CKS2: variants seen among roughly 807,000 people sequenced by gnomAD.
CKS2 encodes the protein CDC28 protein kinase regulatory subunit 2, also known as cyclin-dependent kinases regulatory subunit 2.
A neutral mutation model predicts 14.3 loss-of-function variants in CKS2; 4 were observed. That is an observed-to-expected ratio of 0.28 (90% CI 0.14 to 0.64). The LOEUF is 0.64. CKS2 is among the 30% of genes least tolerant of loss of function. The pLI is 0.83. For synonymous variants in CKS2, 33 were observed against 28.7 expected, an observed-to-expected ratio of 1.15 and a Z score of -0.48; for missense variants, 71 against 94.3, an observed-to-expected ratio of 0.75 and a Z score of 1.02.
intron 1 of CKS2, among the ~76,000 whole-genome samples, chr9:89,312,874 G>A (rs1005712340): frequency 6.6e-6 from 1 of 152,188 alleles, no homozygotes; most frequent in African/African-American, 2.4e-5. Context: ...AAGTGTTTAG[G>A]ATAAGGATTT....
intron 1 of CKS2, among the ~76,000 whole-genome samples, chr9:89,313,657 CTTG>C (rs916150314): frequency 6.6e-6 from 1 of 152,156 alleles, no homozygotes; most frequent in Non-Finnish European, 1.5e-5. Flanking sequence ...ATCTAAATAA[CTTG>C]TTGGTAGATT....
chr9:89,311,785 G>A (rs3211667), intron 1 of CKS2, among the ~76,000 whole-genome samples: 18,918 of 152,228 alleles, frequency 0.12, 1,772 homozygotes, highest in Admixed American at 0.29. Context: ...ACCTGGTGCC[G>A]TCCTTTTTCC....
intron 1 of CKS2, chr9:89,312,412 A>C (rs1046658079): frequency 1.3e-5 from 2 of 154,276 alleles, no homozygotes; most frequent in Admixed American, 1.3e-4. Flanking sequence ...CTGGGATACT[A>C]CCAAGATTTA....
chr9:89,315,878 A>G (rs559052959), intron 2 of CKS2, among the ~76,000 whole-genome samples: 19 of 152,216 alleles, frequency 1.2e-4, no homozygotes, highest in Non-Finnish European at 2.5e-4. Flanking sequence ...AGTAAATCTA[A>G]CAGCATTTAT....
chr9:89,313,551 T>C (rs975256400), intron 1 of CKS2, among the ~76,000 whole-genome samples: 1 of 152,226 alleles, frequency 6.6e-6, no homozygotes, highest in Non-Finnish European at 1.5e-5. Context: ...AGAATCCTCA[T>C]ATGGGGTTGA....
intron 1 of CKS2, among the ~76,000 whole-genome samples, chr9:89,313,006 G>T (rs1039415927): frequency 4.6e-5 from 7 of 152,186 alleles, no homozygotes; most frequent in African/African-American, 1.7e-4. Flanking sequence ...TGATTTGTGT[G>T]TGGTAATGTA....
Position 89,312,372 on chromosome 9 carries a change from T to A in CKS2, c.59+1021T>A, listed in dbSNP as rs754069370. On this transcript the variant is annotated intron_variant, in intron 1 of 2. Transcript: ENST00000314355. ...TCAGAAAACAGTCAACCCCTTTTTC[T>A]TAACTAGGTAGCGACTAGAACGCTG... is the stretch of plus-strand genomic sequence containing the variant. 3.2e-5 allele frequency: 5 copies of A among 154,610 alleles called. 1 individual carries two copies. In the East Asian group the frequency reaches 5.8e-4, roughly 18 times the overall value. 9.6% of individuals were successfully genotyped at this position (154,610 alleles called of 1,614,324 possible). A position where few individuals can be genotyped will look rare whatever the true frequency, so the allele number is the denominator to read the frequency against.
At position 89,311,319 on chromosome 9, in the gene CKS2, G is replaced by T. The variant is rs141662758; in HGVS notation, c.27G>T (p.Ser9=). 74 of 1,610,706 alleles carry T rather than the reference G, an allele frequency of 4.6e-5. 1 individual carries two copies. Among genetic ancestry groups the T allele is most frequent in the Non-Finnish European group, 5.9e-5 (70 of 1,178,810 alleles). The change falls in exon 1 of 3, where the codon TCG becomes TCT. Residue 9 remains serine, a synonymous_variant. Coordinates refer to ENST00000314355, the MANE Select transcript of CKS2 (RefSeq NM_001827.3). ...TGGCCCACAAGCAGATCTACTACTC[G>T]GACAAGTACTTCGACGAACACTACG... MAHKQIYY[S]DKYFDEHYEY... is the part of the protein sequence containing the mutation.
chr9:89,315,514 T>C (rs1159662580), intron 2 of CKS2, among the ~76,000 whole-genome samples: 3 of 139,088 alleles, frequency 2.2e-5, no homozygotes, highest in Non-Finnish European at 4.6e-5. Context: ...TTATTCTACT[T>C]GGAAAATAAT....
chr9:89,312,900 T>G (rs1312995309), intron 1 of CKS2, among the ~76,000 whole-genome samples: 1 of 152,176 alleles, frequency 6.6e-6, no homozygotes, highest in East Asian at 1.9e-4. Flanking sequence ...TCGGTACAAG[T>G]TTCTTTTAGG....
rs14867 is a variant in CKS2, at chr9:89,316,518, T to C, written c.*93T>C. On this transcript the variant is annotated 3_prime_UTR_variant, in exon 3 of 3. Transcript: ENST00000314355. ...TGAATACTTGAGAAATGTACAAATC[T>C]TTCATCCATACCTGTGCATGAGCTG... 0.14 allele frequency: 113,576 copies of C among 802,922 alleles called. 10,530 individuals carry two copies. The highest frequency in any genetic ancestry group is 0.37 in the Admixed American group (17,629 of 47,114). The allele number at this position is 802,922 out of a possible 1,614,324, so 49.7% of individuals were successfully genotyped here.
At chr9:89,314,567 G>A (rs1465957522) in intron 1 of CKS2, among the ~76,000 whole-genome samples, 2 of 152,196 alleles carry the variant, frequency 1.3e-5, no homozygotes, top group South Asian at 2.1e-4. Flanking sequence ...CTACTACAAA[G>A]CTAGTGTTGA....
chr9:89,315,491 T>G (rs962149285), intron 2 of CKS2, among the ~76,000 whole-genome samples, 194 bp downstream of exon 2: 1 of 143,496 alleles, frequency 7.0e-6, no homozygotes, highest in African/African-American at 2.6e-5. Context: ...ACCACAGCAG[T>G]GAAAGTAACA....
intron 1 of CKS2, among the ~76,000 whole-genome samples, chr9:89,312,986 T>G (rs956650153): frequency 2.0e-5 from 3 of 152,236 alleles, no homozygotes; most frequent in Non-Finnish European, 4.4e-5. Context: ...TTAGTTTTAA[T>G]ATACTCAAAT....
chr9:89,315,324 C>T, intron 2 of CKS2, 27 bp downstream of exon 2: 2 of 1,488,308 alleles, frequency 1.3e-6, no homozygotes, highest in East Asian at 5.0e-5. Flanking sequence ...TATAGTAAAG[C>T]AGTAATTGTT....
At chr9:89,311,437 T>TGGGGGCGGGGGCGGGGGG in intron 1 of CKS2, 86 bp downstream of exon 1, 1 of 479,022 alleles carries the variant, frequency 2.1e-6, no homozygotes, top group Non-Finnish European at 3.5e-6. Context: ...GGGTCGGGGG[T>TGGGGGCGGGGGCGGGGGG]GGGGGCCGGG....
chr9:89,314,164 T>C (rs981148947), intron 1 of CKS2, among the ~76,000 whole-genome samples: 1 of 152,232 alleles, frequency 6.6e-6, no homozygotes, highest in African/African-American at 2.4e-5. Flanking sequence ...AAACTGTTGC[T>C]ACTACTGCAG....
intron 1 of CKS2, among the ~76,000 whole-genome samples, chr9:89,314,868 A>G (rs1252312680): frequency 3.3e-5 from 5 of 152,204 alleles, no homozygotes; most frequent in African/African-American, 1.2e-4. Flanking sequence ...TTGTTGGCTT[A>G]TGATTTGGAG....
At chr9:89,312,682 A>G (rs1342221017) in intron 1 of CKS2, among the ~76,000 whole-genome samples, 1 of 152,108 alleles carries the variant, frequency 6.6e-6, no homozygotes, top group African/African-American at 2.4e-5. Context: ...CTGTAGGTAA[A>G]TTTCAAGTAG....
Sources: allele counts gnomAD v4.1 joint callset (sites outside exome capture counted in the v4.1 genomes callset), GRCh38; gene constraint gnomAD v4.1.1; transcripts MANE v1.5; gene names NCBI Gene and HGNC (gene_info 2026-07-23, HGNC 2026-07-21).